The following PARD3 variants were observed in gnomAD, a reference collection of about 807,000 sequenced individuals.
PARD3 encodes the protein par-3 family cell polarity regulator, also known as partitioning defective 3 homolog.
A neutral mutation model predicts 155.4 loss-of-function variants in PARD3; 75 were observed. The observed-to-expected ratio is 0.48, with a 90% confidence interval of 0.40 to 0.58. The LOEUF (loss-of-function observed/expected upper bound fraction) is 0.58, where lower values mean the gene tolerates loss of function less well. PARD3 is among the 20% of genes least tolerant of loss of function. PARD3 has a pLI of 0.00. For missense variants in PARD3, 1,642 were observed against 1,721.7 expected, an observed-to-expected ratio of 0.95 and a Z score of 0.82; for synonymous variants, 576 against 610.5, an observed-to-expected ratio of 0.94 and a Z score of 0.83.
chr10:34,626,389 C>T (rs961237092), intron 2 of PARD3, among the ~76,000 whole-genome samples: 1 of 152,192 alleles, frequency 6.6e-6, no homozygotes, highest in Non-Finnish European at 1.5e-5. Context: ...ATCTGTTTCT[C>T]TCTCTCTCTT....
At chr10:34,683,156 G>A (rs1205575799) in intron 2 of PARD3, among the ~76,000 whole-genome samples, 4 of 152,082 alleles carry the variant, frequency 2.6e-5, no homozygotes, top group African/African-American at 4.8e-5. Flanking sequence ...TGAACACCAC[G>A]TATTCTCATT....
intron 1 of PARD3, among the ~76,000 whole-genome samples, chr10:34,719,312 A>G (rs1434815243): frequency 6.6e-6 from 1 of 152,250 alleles, no homozygotes; most frequent in East Asian, 1.9e-4. Context: ...TTCAAGGGAA[A>G]AAAAGCATTT....
intron 22 of PARD3, among the ~76,000 whole-genome samples, chr10:34,136,944 A>G (rs1947931684): frequency 6.6e-6 from 1 of 152,110 alleles, no homozygotes; most frequent in South Asian, 2.1e-4. Context: ...CAACATGTAC[A>G]TATCTTGTAT....
At chr10:34,482,687 AT>A (rs1348441354) in intron 3 of PARD3, among the ~76,000 whole-genome samples, 2 of 152,202 alleles carry the variant, frequency 1.3e-5, no homozygotes, top group African/African-American at 4.8e-5. Flanking sequence ...ATTTTTCTAG[AT>A]TCTTTTTGTA....
intron 2 of PARD3, among the ~76,000 whole-genome samples, chr10:34,645,683 G>A (rs570589960): frequency 2.0e-5 from 3 of 152,270 alleles, no homozygotes; most frequent in Admixed American, 6.5e-5. Context: ...TCTAGAAGTC[G>A]CTCTGCAGCT....
At chr10:34,307,157 T>C (rs1034368541) in intron 20 of PARD3, among the ~76,000 whole-genome samples, 24 of 152,194 alleles carry the variant, frequency 1.6e-4, no homozygotes, top group African/African-American at 5.8e-4. Context: ...CCCAAAGTGC[T>C]GGGATTACAG....
Position 34,506,399 on chromosome 10 carries a change from T to C in PARD3, c.403+10580A>G, listed in dbSNP as rs116642425. On this transcript the variant is annotated intron_variant, in intron 3 of 24. Transcript: ENST00000374788. ...CAGGAAGGTGAACTGGGAAGTTTCC[T>C]AAGGAGCTGTTGCACCCAACACATT... is the stretch of plus-strand genomic sequence containing the variant. Among the ~76,000 whole-genome samples, 201 of 152,308 alleles carry C rather than the reference T, an allele frequency of 1.3e-3. 1 individual carries two copies. Among genetic ancestry groups the C allele is most frequent in the African/African-American group, 4.5e-3 (186 of 41,562 alleles).
intron 22 of PARD3, among the ~76,000 whole-genome samples, chr10:34,215,034 G>A (rs1403936855): frequency 4.6e-5 from 7 of 152,132 alleles, no homozygotes; most frequent in African/African-American, 4.8e-5. Context: ...TTGGCATTCC[G>A]GGCATCTTGC....
intron 4 of PARD3, among the ~76,000 whole-genome samples, chr10:34,454,854 T>C (rs1260670632): frequency 6.6e-6 from 1 of 152,342 alleles, no homozygotes; most frequent in East Asian, 1.9e-4. Flanking sequence ...ATTAATTTGC[T>C]GCTCCCTGGT....
At chr10:34,299,373 C>T (rs1450650533) in intron 20 of PARD3, among the ~76,000 whole-genome samples, 3 of 152,212 alleles carry the variant, frequency 2.0e-5, no homozygotes. Context: ...TGGGTACTCT[C>T]CAGTTGGTGA....
At chr10:34,427,697 C>T (rs557084714) in intron 5 of PARD3, among the ~76,000 whole-genome samples, 1 of 152,132 alleles carries the variant, frequency 6.6e-6, no homozygotes, top group Non-Finnish European at 1.5e-5. Flanking sequence ...CTGGCTTTAC[C>T]GCTCAGGGGG....
chr10:34,222,803 A>G (rs939726314), intron 22 of PARD3, among the ~76,000 whole-genome samples: 6 of 152,206 alleles, frequency 3.9e-5, no homozygotes, highest in Non-Finnish European at 5.9e-5. Context: ...TCACAGCACG[A>G]TAAGTCCAAG....
intron 2 of PARD3, among the ~76,000 whole-genome samples, chr10:34,609,331 T>C (rs551873867): frequency 1.3e-4 from 20 of 152,306 alleles, no homozygotes; most frequent in African/African-American, 4.8e-4. Flanking sequence ...TAGATAAATA[T>C]AAGCTCCAAT....
At chr10:34,540,311 G>A (rs2083514266) in intron 2 of PARD3, among the ~76,000 whole-genome samples, 1 of 149,702 alleles carries the variant, frequency 6.7e-6, no homozygotes, top group Non-Finnish European at 1.5e-5. Flanking sequence ...AGCTCCCTGT[G>A]GTTCACAACA....
intron 15 of PARD3, chr10:34,345,657 T>A: frequency 1.0e-6 from 1 of 985,408 alleles, no homozygotes; most frequent in Non-Finnish European, 1.2e-6. Context: ...ACTATGGAAT[T>A]CATGACTCAG....
intron 22 of PARD3, among the ~76,000 whole-genome samples, chr10:34,263,853 A>G (rs181732096): frequency 1.2e-4 from 18 of 152,334 alleles, no homozygotes; most frequent in African/African-American, 4.3e-4. Flanking sequence ...CTTTAATTAG[A>G]TGCATAACAA....
At chr10:34,411,067 T>C (rs747996512) in intron 5 of PARD3, among the ~76,000 whole-genome samples, 37 of 152,302 alleles carry the variant, frequency 2.4e-4, no homozygotes, top group Non-Finnish European at 4.9e-4. Flanking sequence ...ACCATGAAAC[T>C]GAGGCAGGCT....
At chr10:34,681,728 TTTTATATATATATATATATATA>T (rs1439568322) in intron 2 of PARD3, among the ~76,000 whole-genome samples, 3 of 65,566 alleles carry the variant, frequency 4.6e-5, no homozygotes, top group African/African-American at 1.9e-4. Context: ...TACGTATGTA[TTTTATATATATATATATATATA>T]TATATATATA....
chr10:34,245,840 T>C (rs1953915781), intron 22 of PARD3, among the ~76,000 whole-genome samples: 1 of 152,192 alleles, frequency 6.6e-6, no homozygotes, highest in African/African-American at 2.4e-5. Flanking sequence ...GCTGTCAGGA[T>C]GCCCAGAGAC....
Sources: allele counts gnomAD v4.1 joint callset (sites outside exome capture counted in the v4.1 genomes callset), GRCh38; gene constraint gnomAD v4.1.1; transcripts MANE v1.5; gene names NCBI Gene and HGNC (gene_info 2026-07-23, HGNC 2026-07-21).